The following DENND1A variants were observed in gnomAD, a reference collection of about 807,000 sequenced individuals.
DENND1A encodes DENN domain containing 1A.
Under a neutral mutation model 113.7 loss-of-function variants are expected in DENND1A, and 51 were observed. The ratio of observed to expected loss-of-function variants is 0.45; its 90% CI spans 0.36 to 0.57. The LOEUF (loss-of-function observed/expected upper bound fraction) is 0.57. Ranked by LOEUF, DENND1A falls within the 20% of genes least tolerant of loss-of-function variation. DENND1A has a pLI of 0.00. For missense variants in DENND1A, 1,258 were observed against 1,395.9 expected, an observed-to-expected ratio of 0.90 and a Z score of 1.57; for synonymous variants, 565 against 570.8, an observed-to-expected ratio of 0.99 and a Z score of 0.14.
At chr9:123,867,146 G>A (rs1026853759) in intron 2 of DENND1A, among the ~76,000 whole-genome samples, 1 of 152,158 alleles carries the variant, frequency 6.6e-6, no homozygotes, top group Non-Finnish European at 1.5e-5. Flanking sequence ...AAGCCTTTGA[G>A]CGGACTGCAT....
chr9:123,724,337 G>C (rs896861587), intron 5 of DENND1A, among the ~76,000 whole-genome samples: 1 of 152,116 alleles, frequency 6.6e-6, no homozygotes, highest in African/African-American at 2.4e-5. Context: ...ATTTCCTAAT[G>C]AGACTTCAGC....
intron 2 of DENND1A, among the ~76,000 whole-genome samples, chr9:123,818,567 C>CACAT (rs1490590177): frequency 9.5e-5 from 4 of 41,984 alleles, no homozygotes; most frequent in African/African-American, 1.8e-4. Context: ...CACACACACA[C>CACAT]ATATATATAT....
At chr9:123,652,471 G>C (rs1160022736) in intron 8 of DENND1A, among the ~76,000 whole-genome samples, 1 of 152,170 alleles carries the variant, frequency 6.6e-6, no homozygotes, top group Admixed American at 6.5e-5. Context: ...CTCCAAGATG[G>C]AACAGTCTAA....
intron 10 of DENND1A, among the ~76,000 whole-genome samples, chr9:123,626,625 T>A (rs543038038): frequency 5.2e-4 from 79 of 152,194 alleles, no homozygotes; most frequent in African/African-American, 1.9e-3. Flanking sequence ...AAGCTTTCAT[T>A]TGAACAACAA....
intron 10 of DENND1A, among the ~76,000 whole-genome samples, 173 bp downstream of exon 10, chr9:123,630,203 G>GC (rs1564846454): frequency 7.5e-6 from 1 of 134,182 alleles, no homozygotes; most frequent in Non-Finnish European, 1.5e-5. Flanking sequence ...ACCATGACTG[G>GC]CTTTTTTTTT....
intron 9 of DENND1A, among the ~76,000 whole-genome samples, chr9:123,630,718 G>T (rs1280527542): frequency 1.3e-5 from 2 of 152,192 alleles, no homozygotes; most frequent in East Asian, 1.9e-4. Flanking sequence ...TTAAAATGGT[G>T]AAAGGGATTA....
At chr9:123,809,130 G>A (rs188159623) in intron 2 of DENND1A, among the ~76,000 whole-genome samples, 31 of 152,286 alleles carry the variant, frequency 2.0e-4, no homozygotes, top group Admixed American at 4.6e-4. Flanking sequence ...GGAACGGCAC[G>A]ATGGTTTCTA....
At chr9:123,385,081 G>A (rs140418946) in intron 22 of DENND1A, among the ~76,000 whole-genome samples, 101 of 152,346 alleles carry the variant, frequency 6.6e-4, no homozygotes, top group Non-Finnish European at 8.2e-4. Flanking sequence ...TGAGTCCCAG[G>A]GCACCACTGG....
chr9:123,900,004 T>C (rs1851350382), intron 1 of DENND1A, among the ~76,000 whole-genome samples: 1 of 152,212 alleles, frequency 6.6e-6, no homozygotes, highest in South Asian at 2.1e-4. Flanking sequence ...TAGGCTACAT[T>C]CACCAGTTAA....
intron 21 of DENND1A, among the ~76,000 whole-genome samples, chr9:123,396,493 T>C (rs1199323361): frequency 2.0e-5 from 3 of 152,256 alleles, no homozygotes; most frequent in Admixed American, 6.5e-5. Flanking sequence ...GGCAAGGCCG[T>C]TGAACGTGCA....
At chr9:123,692,715 T>C (rs2065260795) in intron 5 of DENND1A, among the ~76,000 whole-genome samples, 1 of 152,214 alleles carries the variant, frequency 6.6e-6, no homozygotes, top group Admixed American at 6.5e-5. Context: ...TAAACAAACA[T>C]ATGGATGGTA....
At chr9:123,498,165 A>G (rs932894086) in intron 13 of DENND1A, among the ~76,000 whole-genome samples, 1 of 152,252 alleles carries the variant, frequency 6.6e-6, no homozygotes. Flanking sequence ...AGAGTTCTGT[A>G]CAACATAGGA....
rs776585529 is a variant in DENND1A at position 123,630,399 on chromosome 9, C to T, written c.696G>A (p.Pro232=). 24 of 1,597,906 alleles carry T rather than the reference C, an allele frequency of 1.5e-5. No homozygotes were observed. Among genetic ancestry groups the T allele is most frequent in the African/African-American group, 1.1e-4 (8 of 74,748 alleles). ...ACCAGCAGTAGTCCAGCAGATGCGG[C>T]GGCAGCACGGGGATGTACACGTGCT... is the stretch of plus-strand genomic sequence containing the variant. ...YWQHVYIPVL[P]PHLLDYCCAP... The change falls in exon 10 of 24, where the codon CCG becomes CCA. Residue 232 remains proline (P), a synonymous_variant. Coordinates refer to ENST00000394215, the MANE Select transcript of DENND1A (RefSeq NM_001352964.2).
intron 5 of DENND1A, among the ~76,000 whole-genome samples, chr9:123,716,808 TGTGA>T (rs1169734612): frequency 6.6e-6 from 1 of 152,212 alleles, no homozygotes; most frequent in Non-Finnish European, 1.5e-5. Flanking sequence ...TCCCAGATGC[TGTGA>T]GTATCACGTA....
rs758191449 is a variant in DENND1A, at chr9:123,607,512, CACACACACAGAG to C, written c.765+1912_765+1923del. On this transcript the variant is annotated intron_variant, in intron 11 of 23. Coordinates refer to ENST00000394215, the MANE Select transcript of DENND1A (RefSeq NM_001352964.2). ...AGACACACACACACACACACACACA[CACACACACAGAG>C]AGAGAGAGAGAGAGAGAGAGAGAGT... Among the ~76,000 whole-genome samples the C allele has an allele frequency of 2.0e-3, 182 of 92,894 alleles. 1 individual carries two copies. Among genetic ancestry groups the C allele is most frequent in the African/African-American group, 6.4e-3 (142 of 22,190 alleles). 60.9% of individuals were successfully genotyped at this position (92,894 alleles called of 152,430 possible).
chr9:123,722,571 G>T (rs186111814), intron 5 of DENND1A, among the ~76,000 whole-genome samples: 70 of 152,302 alleles, frequency 4.6e-4, no homozygotes, highest in African/African-American at 1.6e-3. Flanking sequence ...CCTCTACTGG[G>T]TGCAGTCTAG....
At chr9:123,742,571 G>T (rs180694716) in intron 5 of DENND1A, among the ~76,000 whole-genome samples, 1 of 152,146 alleles carries the variant, frequency 6.6e-6, no homozygotes, top group Non-Finnish European at 1.5e-5. Context: ...TCATCCTTAG[G>T]GTAGACGAAC....
intron 12 of DENND1A, among the ~76,000 whole-genome samples, chr9:123,580,500 T>G (rs1304909175): frequency 6.6e-6 from 1 of 152,224 alleles, no homozygotes; most frequent in Non-Finnish European, 1.5e-5. Context: ...GTCAGAGCAG[T>G]GCAGGTGGGA....
intron 13 of DENND1A, among the ~76,000 whole-genome samples, chr9:123,523,435 T>C (rs1472720758): frequency 6.6e-6 from 1 of 152,212 alleles, no homozygotes; most frequent in African/African-American, 2.4e-5. Context: ...ACACAGATAA[T>C]ACGTTACAGA....
Sources: gnomAD v4.1 joint callset for allele counts (sites outside exome capture counted in the v4.1 genomes callset) on GRCh38, gnomAD v4.1.1 for gene constraint, MANE v1.5 for transcripts, NCBI Gene and HGNC (gene_info 2026-07-23, HGNC 2026-07-21) for gene names.